PTPRD: variants seen among roughly 807,000 people sequenced by gnomAD.
The protein encoded by PTPRD is receptor-type tyrosine-protein phosphatase delta.
PTPRD carries 34 observed loss-of-function variants against 214.5 expected under a neutral mutation model. The ratio of observed to expected loss-of-function variants is 0.16; its 90% CI spans 0.12 to 0.21. The LOEUF (loss-of-function observed/expected upper bound fraction) is 0.21. PTPRD is among the 10% of genes least tolerant of loss of function. The probability of loss-of-function intolerance (pLI) is 1.00; values close to 1 mark genes in which losing one functional copy is unlikely to be tolerated. For missense variants in PTPRD, 2,545 were observed against 2,398.7 expected (o/e 1.06, Z -1.27); for synonymous variants, 1,128 against 845.7 (o/e 1.33, Z -5.79).
chr9:9,796,200 G>A (rs2099001378), intron 5 of PTPRD, among the ~76,000 whole-genome samples: 1 of 152,056 alleles, frequency 6.6e-6, no homozygotes, highest in Non-Finnish European at 1.5e-5. Flanking sequence ...TTCCTCAGTT[G>A]AAAGAAGAAG....
rs758141254 is a variant in PTPRD at position 8,328,622 on chromosome 9, T to C, written c.5534+2960A>G. 8.0e-4 allele frequency among the ~76,000 whole-genome samples: 122 copies of C among 151,888 alleles called. 1 individual carries two copies. Among genetic ancestry groups the C allele is most frequent in the Admixed American group, 1.6e-3 (24 of 15,230 alleles). ...ATAATATCCTGATATCCTGAAGAGT[T>C]TTCTCCAACTTGGTTCCATTCTCCC... On this transcript the variant is annotated intron_variant, in intron 44 of 45. Transcript: ENST00000381196.
intron 11 of PTPRD, among the ~76,000 whole-genome samples, chr9:8,779,580 C>T (rs1463423389): frequency 1.3e-5 from 2 of 152,198 alleles, no homozygotes; most frequent in Non-Finnish European, 2.9e-5. Flanking sequence ...AAGGCCCACT[C>T]TCTTTCTCTA....
chr9:8,549,237 G>C (rs972145204), intron 14 of PTPRD, among the ~76,000 whole-genome samples: 1 of 152,144 alleles, frequency 6.6e-6, no homozygotes, highest in African/African-American at 2.4e-5. Context: ...ACCAGTTTTA[G>C]GGAGTATTCA....
chr9:8,403,555 C>T (rs2092667717), intron 36 of PTPRD, among the ~76,000 whole-genome samples: 2 of 152,152 alleles, frequency 1.3e-5, no homozygotes, highest in African/African-American at 4.8e-5. Flanking sequence ...TGAAGATGAA[C>T]TTCTAGTTGT....
At chr9:10,450,789 A>G (rs2098836399) in intron 2 of PTPRD, among the ~76,000 whole-genome samples, 1 of 152,016 alleles carries the variant, frequency 6.6e-6, no homozygotes, top group African/African-American at 2.4e-5. Flanking sequence ...TTTAGTGAAT[A>G]TGACTGCTGC....
At chr9:9,595,306 ATATATT>A (rs1343178772) in intron 7 of PTPRD, among the ~76,000 whole-genome samples, 39 of 77,366 alleles carry the variant, frequency 5.0e-4, no homozygotes, top group Admixed American at 3.7e-3. Flanking sequence ...ATATATATAT[ATATATT>A]ATATATATTT....
chr9:8,512,196 C>T (rs1017496184), intron 21 of PTPRD, among the ~76,000 whole-genome samples: 10 of 151,722 alleles, frequency 6.6e-5, no homozygotes, highest in African/African-American at 1.7e-4. Context: ...ACAATAAAAC[C>T]GACAGCCAGA....
intron 3 of PTPRD, among the ~76,000 whole-genome samples, chr9:10,230,561 C>T (rs1234605017): frequency 6.6e-6 from 1 of 151,596 alleles, no homozygotes; most frequent in East Asian, 2.0e-4. Flanking sequence ...TTCCTTGGAC[C>T]CTGAGATTTA....
chr9:9,668,937 T>A (rs542567344), intron 7 of PTPRD, among the ~76,000 whole-genome samples: 64 of 152,276 alleles, frequency 4.2e-4, no homozygotes, highest in African/African-American at 1.5e-3. Flanking sequence ...GATTCATATG[T>A]TTCTTTAACT....
At chr9:10,237,814 G>T (rs1380611256) in intron 3 of PTPRD, among the ~76,000 whole-genome samples, 2 of 151,888 alleles carry the variant, frequency 1.3e-5, no homozygotes, top group African/African-American at 2.4e-5. Flanking sequence ...TATGAGTATA[G>T]TGTCCATGTT....
intron 4 of PTPRD, among the ~76,000 whole-genome samples, chr9:9,999,525 G>T (rs551811226): frequency 1.4e-4 from 22 of 152,262 alleles, no homozygotes; most frequent in African/African-American, 5.1e-4. Context: ...TTGTAACTTT[G>T]TAGCTTCCCA....
At position 8,461,487 on chromosome 9, in the gene PTPRD, C is replaced by T. The variant is rs1289586471; in HGVS notation, c.3715-916G>A. ...AAAACATCTTCTTGGCTCTACCTGC[C>T]CCCTTCAAGGCCCTATCTTCCACTT... On this transcript the variant is annotated intron_variant, in intron 32 of 45. Transcript: ENST00000381196. Among the ~76,000 whole-genome samples, 8 of 151,686 alleles carry T rather than the reference C, an allele frequency of 5.3e-5. No individual in the cohort carries two copies. In the East Asian group the frequency reaches 1.6e-3, roughly 29 times the overall value.
At chr9:9,621,798 A>G (rs1462103858) in intron 7 of PTPRD, among the ~76,000 whole-genome samples, 1 of 152,206 alleles carries the variant, frequency 6.6e-6, no homozygotes, top group African/African-American at 2.4e-5. Flanking sequence ...CTCTGTGTGG[A>G]TAGTGATGGT....
chr9:9,848,921 T>C (rs924890501), intron 5 of PTPRD, among the ~76,000 whole-genome samples: 2 of 152,040 alleles, frequency 1.3e-5, no homozygotes, highest in Non-Finnish European at 2.9e-5. Flanking sequence ...AATGAGCACT[T>C]TGGTAATTTC....
At position 8,870,714 on chromosome 9, in the gene PTPRD, A is replaced by ACACACACACG. The variant is rs1555457929; in HGVS notation, c.-103-136769_-103-136768insCGTGTGTGTG. Among the ~76,000 whole-genome samples, 494 of 150,094 alleles carry ACACACACACG rather than the reference A, an allele frequency of 3.3e-3. 2 individuals carry two copies. The highest frequency in any genetic ancestry group is 0.01 in the Middle Eastern group (3 of 292). On this transcript the variant is annotated intron_variant, in intron 11 of 45. Transcript: ENST00000381196. ...CACACACACACACACACACACACAC[A>ACACACACACG]CACACACACACACACGGGAGTTCAG...
At chr9:9,909,679 A>G (rs868502096) in intron 5 of PTPRD, among the ~76,000 whole-genome samples, 6 of 151,938 alleles carry the variant, frequency 3.9e-5, no homozygotes, top group Middle Eastern at 3.2e-3. Flanking sequence ...ACTTTTCTTT[A>G]TAGTGCATTT....
intron 9 of PTPRD, among the ~76,000 whole-genome samples, chr9:9,319,751 T>C (rs192187397): frequency 6.6e-6 from 1 of 152,236 alleles, no homozygotes; most frequent in East Asian, 1.9e-4. Context: ...TTCTTTAAAA[T>C]TTTCTAGGAG....
At chr9:8,607,610 T>A (rs1406663952) in intron 14 of PTPRD, among the ~76,000 whole-genome samples, 2 of 151,970 alleles carry the variant, frequency 1.3e-5, no homozygotes, top group Admixed American at 6.6e-5. Context: ...GCCACTGCAC[T>A]CCAGCCTGGG....
At chr9:9,261,334 G>A (rs1172291667) in intron 9 of PTPRD, among the ~76,000 whole-genome samples, 2 of 151,610 alleles carry the variant, frequency 1.3e-5, no homozygotes, top group East Asian at 3.9e-4. Context: ...CTATTTCAAA[G>A]GATCTAATTT....
Sources: allele counts gnomAD v4.1 joint callset (sites outside exome capture counted in the v4.1 genomes callset), GRCh38; gene constraint gnomAD v4.1.1; transcripts MANE v1.5; gene names NCBI Gene and HGNC (gene_info 2026-07-23, HGNC 2026-07-21).